Variants in LPP observed in about 807,000 individuals in gnomAD.
LPP encodes the protein LIM domain containing preferred translocation partner in lipoma.
A neutral mutation model predicts 60.4 loss-of-function variants in LPP; 38 were observed. The observed-to-expected ratio is 0.63, with a 90% CI of 0.49 to 0.83. LPP has a LOEUF of 0.83. LPP is among the 40% of genes least tolerant of loss of function. The pLI, the probability that LPP is intolerant of heterozygous loss-of-function variation, is 0.00. For missense variants in LPP, 902 were observed against 783.6 expected (o/e 1.15, Z -1.80); for synonymous variants, 328 against 290.8 (o/e 1.13, Z -1.30).
intron 2 of LPP, among the ~76,000 whole-genome samples, chr3:188,228,869 A>G (rs1224633428): frequency 1.3e-5 from 2 of 152,220 alleles, no homozygotes; most frequent in Admixed American, 6.5e-5. Context: ...TTAAATGCCA[A>G]CCTGTTTTGT....
At chr3:188,861,450 A>G (rs1174121588) in intron 9 of LPP, among the ~76,000 whole-genome samples, 1 of 152,206 alleles carries the variant, frequency 6.6e-6, no homozygotes. Flanking sequence ...GGCAGTAATC[A>G]CTTTATAGTC....
intron 2 of LPP, among the ~76,000 whole-genome samples, chr3:188,301,653 T>C (rs905295798): frequency 4.1e-4 from 63 of 152,000 alleles, no homozygotes; most frequent in African/African-American, 1.4e-3. Context: ...TTATTGATTT[T>C]ATTTATTTAT....
intron 2 of LPP, among the ~76,000 whole-genome samples, chr3:188,286,267 C>T (rs1743882915): frequency 6.6e-6 from 1 of 152,188 alleles, no homozygotes; most frequent in African/African-American, 2.4e-5. Context: ...CTGCTGTGGT[C>T]ATGGAGGCTT....
At chr3:188,457,662 G>C (rs981545188) in intron 4 of LPP, among the ~76,000 whole-genome samples, 3 of 151,618 alleles carry the variant, frequency 2.0e-5, no homozygotes, top group African/African-American at 7.3e-5. Context: ...GGAGGCCAAG[G>C]GGAGCAGATC....
intron 4 of LPP, among the ~76,000 whole-genome samples, chr3:188,473,387 C>T (rs144175323): frequency 2.0e-5 from 3 of 152,198 alleles, no homozygotes; most frequent in African/African-American, 7.2e-5. Context: ...CATTTTATTG[C>T]CTTGTCACCT....
intron 9 of LPP, among the ~76,000 whole-genome samples, chr3:188,846,226 A>T (rs140912758): frequency 6.6e-6 from 1 of 152,330 alleles, no homozygotes; most frequent in African/African-American, 2.4e-5. Context: ...CGCAAAAGTT[A>T]TATGGGTGAA....
At chr3:188,471,484 A>T (rs866797043) in intron 4 of LPP, among the ~76,000 whole-genome samples, 2 of 152,222 alleles carry the variant, frequency 1.3e-5, no homozygotes, top group African/African-American at 4.8e-5. Flanking sequence ...GTGTAATTTA[A>T]TATAGCTTGT....
At chr3:188,789,012 T>C in intron 9 of LPP, among the ~76,000 whole-genome samples, 1 of 152,162 alleles carries the variant, frequency 6.6e-6, no homozygotes, top group Middle Eastern at 3.2e-3. Context: ...TAGACCTTGC[T>C]GTTCCTCCCA....
intron 6 of LPP, among the ~76,000 whole-genome samples, chr3:188,573,615 C>T (rs1424851591): frequency 6.6e-6 from 1 of 152,162 alleles, no homozygotes; most frequent in African/African-American, 2.4e-5. Flanking sequence ...AGAGTGGCCA[C>T]AGTCTACTCC....
intron 4 of LPP, among the ~76,000 whole-genome samples, chr3:188,419,647 C>T (rs1296123179): frequency 1.3e-5 from 2 of 152,128 alleles, no homozygotes; most frequent in Non-Finnish European, 2.9e-5. Context: ...AATCCCAGCA[C>T]TTTGGGAGGC....
chr3:188,521,559 A>G lies in LPP; in HGVS notation c.307-3106A>G, dbSNP rs114057296. On this transcript the variant is annotated intron_variant, in intron 5 of 11. Coordinates refer to ENST00000617246, the MANE Select transcript of LPP (RefSeq NM_001375462.1). ...ACCCCAAGGGAACACTTAATGAATG[A>G]TGCTTCCCTCAAGAAGAAGAATAAT... Among the ~76,000 whole-genome samples the G allele has an allele frequency of 2.6e-3, 389 of 152,304 alleles. 4 individuals carry two copies. The highest frequency in any genetic ancestry group is 8.9e-3 in the African/African-American group (372 of 41,574).
At chr3:188,200,604 C>T (rs1194824160) in intron 1 of LPP, among the ~76,000 whole-genome samples, 1 of 152,166 alleles carries the variant, frequency 6.6e-6, no homozygotes, top group Non-Finnish European at 1.5e-5. Context: ...TCATGATTCC[C>T]TGGTATTGCT....
chr3:188,339,327 G>A (rs1044287307), intron 2 of LPP, among the ~76,000 whole-genome samples: 1 of 152,170 alleles, frequency 6.6e-6, no homozygotes, highest in Non-Finnish European at 1.5e-5. Context: ...CTCAATCCAC[G>A]TGAAGAGGGC....
At chr3:188,645,013 G>A (rs779364195) in intron 7 of LPP, among the ~76,000 whole-genome samples, 15 of 152,126 alleles carry the variant, frequency 9.9e-5, no homozygotes, top group African/African-American at 1.9e-4. Context: ...AAAATGGTAC[G>A]ATGGCATCTA....
chr3:188,852,172 CAAAA>C (rs770761003), intron 9 of LPP, among the ~76,000 whole-genome samples: 3 of 151,980 alleles, frequency 2.0e-5, no homozygotes, highest in Admixed American at 1.3e-4. Flanking sequence ...TCAAAAAAGA[CAAAA>C]AGAAAGAAAG....
chr3:188,813,915 C>CA (rs1751760457), intron 9 of LPP, among the ~76,000 whole-genome samples: 1 of 151,820 alleles, frequency 6.6e-6, no homozygotes, highest in South Asian at 2.1e-4. Flanking sequence ...ACTAAAAACA[C>CA]AAAAAAATTA....
Position 188,484,674 on chromosome 3 carries a change from A to C in LPP, c.276A>C (p.Pro92=). 6.2e-7 allele frequency: 1 copy of C among 1,613,008 alleles called. No individual in the cohort carries two copies. Among genetic ancestry groups the C allele is most frequent in the Middle Eastern group, 1.6e-4 (1 of 6,062 alleles). ...TCTCTGGAAACTTTCCTCCTCCACC[A>C]CCTCTTGATGAAGAGGCTTTCAAAG... ...PSISGNFPPP[P]PLDEEAFKVQ... The change falls in exon 5 of 12, where the codon CCA becomes CCC. Residue 92 remains proline (P), a synonymous_variant. Transcript: ENST00000617246.
rs78072920 is a variant in LPP, at chr3:188,186,610, A to T, written c.-190+32358A>T. Among the ~76,000 whole-genome samples the T allele has an allele frequency of 6.3e-3, 951 of 151,912 alleles. 14 individuals carry two copies. Among genetic ancestry groups the T allele is most frequent in the African/African-American group, 0.021 (878 of 41,474 alleles). On this transcript the variant is annotated intron_variant, in intron 1 of 11. Coordinates refer to ENST00000617246, the MANE Select transcript of LPP (RefSeq NM_001375462.1). ...CTAAGTTTTTTTTTTTTTAATTTAAAAGGTGCTATAATACAGGCTTACAGT... is the reference window on the plus strand; with the variant it reads ...CTAAGTTTTTTTTTTTTTAATTTAATAGGTGCTATAATACAGGCTTACAGT...
At chr3:188,313,553 G>A (rs62291424) in intron 2 of LPP, among the ~76,000 whole-genome samples, 4,541 of 151,486 alleles carry the variant, frequency 0.03, 99 homozygotes, top group Non-Finnish European at 0.044. Flanking sequence ...CAGGAGAATC[G>A]CTTGAACTGG....
Sources: allele counts gnomAD v4.1 joint callset (sites outside exome capture counted in the v4.1 genomes callset), GRCh38; gene constraint gnomAD v4.1.1; transcripts MANE v1.5; gene names NCBI Gene and HGNC (gene_info 2026-07-23, HGNC 2026-07-21).